USH2A: variants seen among roughly 807,000 people sequenced by gnomAD.
The protein encoded by USH2A is Usher syndrome 2A (autosomal recessive, mild).
Under a neutral mutation model 538.9 loss-of-function variants are expected in USH2A, and 443 were observed. The observed-to-expected ratio is 0.82, with a 90% CI of 0.76 to 0.89. The LOEUF (loss-of-function observed/expected upper bound fraction) is 0.89. Ranked by LOEUF, USH2A falls within the 40% of genes least tolerant of loss-of-function variation. USH2A has a pLI of 0.00. For missense variants in USH2A, 6,633 were observed against 6,324.8 expected (o/e 1.05, Z -1.65); for synonymous variants, 2,413 against 2,273.5 (o/e 1.06, Z -1.75).
intron 32 of USH2A, among the ~76,000 whole-genome samples, chr1:216,017,531 A>G (rs375691266): frequency 6.6e-6 from 1 of 152,226 alleles, no homozygotes; most frequent in Non-Finnish European, 1.5e-5. Flanking sequence ...TTAGGAATCA[A>G]TTAATACTTT....
At chr1:215,898,887 C>T (rs146948041) in intron 40 of USH2A, among the ~76,000 whole-genome samples, 18 of 152,242 alleles carry the variant, frequency 1.2e-4, no homozygotes, top group African/African-American at 4.3e-4. Context: ...TGCCATTTAT[C>T]GTACTGTGCT....
At chr1:215,967,212 A>G (rs1026645740) in intron 36 of USH2A, among the ~76,000 whole-genome samples, 2 of 152,196 alleles carry the variant, frequency 1.3e-5, no homozygotes, top group Non-Finnish European at 2.9e-5. Context: ...TCTGTCTCCA[A>G]GGCTGGAGTG....
At chr1:216,089,181 A>G (rs2032229171) in intron 22 of USH2A, 42 bp from the exon 23 acceptor site, 1 of 1,588,982 alleles carries the variant, frequency 6.3e-7, no homozygotes, top group East Asian at 2.2e-5. Context: ...ATACATGCAT[A>G]TCTACAAATA....
chr1:216,058,248 C>T lies in USH2A; in HGVS notation c.6050-9601G>A, dbSNP rs542167442. ...ATTACCAGTGAGAGAAAAACTTCATCGCTATTATTTTAGGTTCTCAGTATC... is the reference window on the plus strand; with the variant it reads ...ATTACCAGTGAGAGAAAAACTTCATTGCTATTATTTTAGGTTCTCAGTATC... On this transcript the variant is annotated intron_variant, in intron 30 of 71. Transcript: ENST00000307340. Among the ~76,000 whole-genome samples, 8 of 139,770 alleles carry T rather than the reference C, an allele frequency of 5.7e-5. 1 individual carries two copies. Among genetic ancestry groups the T allele is most frequent in the Non-Finnish European group, 7.8e-5 (5 of 63,746 alleles). The allele number at this position is 139,770 out of a possible 152,430, so 91.7% of individuals were successfully genotyped here. A position where few individuals can be genotyped will look rare whatever the true frequency, so the allele number is the denominator to read the frequency against.
At chr1:216,218,235 C>T (rs992541566) in intron 14 of USH2A, among the ~76,000 whole-genome samples, 1 of 152,042 alleles carries the variant, frequency 6.6e-6, no homozygotes, top group Non-Finnish European at 1.5e-5. Context: ...AACTTTAGTG[C>T]AACTTAAATT....
At chr1:215,841,328 T>C (rs1260059494) in intron 46 of USH2A, among the ~76,000 whole-genome samples, 5 of 152,124 alleles carry the variant, frequency 3.3e-5, no homozygotes, top group African/African-American at 9.7e-5. Flanking sequence ...AACAGCATGG[T>C]ACTGGTACAA....
chr1:215,815,181 C>T (rs1231470828), intron 48 of USH2A, among the ~76,000 whole-genome samples: 1 of 151,884 alleles, frequency 6.6e-6, no homozygotes, highest in Non-Finnish European at 1.5e-5. Flanking sequence ...TGTGTTGCCT[C>T]TTTAAGCTCA....
intron 52 of USH2A, among the ~76,000 whole-genome samples, chr1:215,784,071 G>T (rs1250383288): frequency 6.6e-6 from 1 of 152,004 alleles, no homozygotes; most frequent in Non-Finnish European, 1.5e-5. Flanking sequence ...TCTGCTCGGG[G>T]GTATCTGCCA....
intron 55 of USH2A, 62 bp from the exon 56 acceptor site, chr1:215,766,850 A>C: frequency 7.0e-7 from 1 of 1,424,638 alleles, no homozygotes; most frequent in East Asian, 2.3e-5. Context: ...TCAATTAAGT[A>C]CCAGAAGTAA....
chr1:216,231,831 G>A lies in USH2A; in HGVS notation c.2993+122C>T, dbSNP rs552122663. The A allele has an allele frequency of 3.2e-5, 38 of 1,178,908 alleles. No homozygotes were observed. The African/African-American group carries it at 5.6e-4, about 17-fold the overall frequency. 73.0% of individuals were successfully genotyped at this position (1,178,908 alleles called of 1,614,324 possible). ...GTCTCTCAAAGTGCTGGGATTACAG[G>A]TGTGAGCCACCAAGCCGGGCAAAAA... On this transcript the variant is annotated intron_variant, in intron 14 of 71. Coordinates refer to ENST00000307340, the MANE Select transcript of USH2A (RefSeq NM_206933.4).
intron 21 of USH2A, among the ~76,000 whole-genome samples, chr1:216,162,647 T>A (rs2034082017): frequency 1.3e-5 from 2 of 152,226 alleles, no homozygotes; most frequent in South Asian, 4.1e-4. Flanking sequence ...GTTTCAATTA[T>A]CTCAATGTTC....
chr1:215,667,773 A>G (rs1657678878), intron 64 of USH2A, among the ~76,000 whole-genome samples: 1 of 152,286 alleles, frequency 6.6e-6, no homozygotes, highest in Non-Finnish European at 1.5e-5. Context: ...GAACTTATCC[A>G]TGCGATACCC....
At chr1:215,702,261 T>C (rs1471055703) in intron 61 of USH2A, among the ~76,000 whole-genome samples, 2 of 152,310 alleles carry the variant, frequency 1.3e-5, no homozygotes, top group South Asian at 2.1e-4. Context: ...ATTTTTTTCA[T>C]CATTTCAACT....
chr1:215,885,458 G>T (rs1665026845), intron 41 of USH2A, among the ~76,000 whole-genome samples: 1 of 152,080 alleles, frequency 6.6e-6, no homozygotes, highest in Non-Finnish European at 1.5e-5. Context: ...TTTAGGTCTT[G>T]GTAGAGCATT....
chr1:216,018,351 C>A (rs1038805789), intron 32 of USH2A, among the ~76,000 whole-genome samples: 1 of 152,198 alleles, frequency 6.6e-6, no homozygotes, highest in Non-Finnish European at 1.5e-5. Context: ...CAAGCCATTG[C>A]TGCCTTAGGC....
At chr1:216,130,532 A>ATATATATAAAATATATATTTATATATAT in intron 21 of USH2A, among the ~76,000 whole-genome samples, 1 of 146,204 alleles carries the variant, frequency 6.8e-6, no homozygotes, top group East Asian at 2.0e-4. Context: ...ATATATATTT[A>ATATATATAAAATATATATTTATATATAT]TATATATAAA....
rs372910420 is a variant in USH2A at position 216,365,639 on chromosome 1, A to C, written c.652-554T>G. ...CAATCATATTCTAGACTAATCAATC[A>C]AGCAAGTAGCCTAATAACTGCACAT... On this transcript the variant is annotated intron_variant, in intron 3 of 71. Coordinates refer to ENST00000307340, the MANE Select transcript of USH2A (RefSeq NM_206933.4). Among the ~76,000 whole-genome samples the C allele has an allele frequency of 6.2e-4, 95 of 152,216 alleles. 1 individual carries two copies. Among genetic ancestry groups the C allele is most frequent in the African/African-American group, 2.3e-3 (94 of 41,542 alleles).
intron 49 of USH2A, among the ~76,000 whole-genome samples, chr1:215,805,755 T>G (rs1662482378): frequency 6.6e-6 from 1 of 151,470 alleles, no homozygotes; most frequent in Admixed American, 6.6e-5. Flanking sequence ...AGATTGTCCC[T>G]TCCTTCTAAA....
At chr1:216,165,793 A>C (rs2034155291) in intron 21 of USH2A, among the ~76,000 whole-genome samples, 1 of 140,956 alleles carries the variant, frequency 7.1e-6, no homozygotes, top group Non-Finnish European at 1.5e-5. Flanking sequence ...TGAAACATAG[A>C]TAAGCAAACA....
Sources: gnomAD v4.1 joint callset for allele counts (sites outside exome capture counted in the v4.1 genomes callset) on GRCh38, gnomAD v4.1.1 for gene constraint, MANE v1.5 for transcripts, NCBI Gene and HGNC (gene_info 2026-07-23, HGNC 2026-07-21) for gene names.